The following TBXAS1 variants were observed in gnomAD, a reference collection of about 807,000 sequenced individuals.
The protein encoded by TBXAS1 is thromboxane A synthase 1.
TBXAS1 carries 48 observed loss-of-function variants against 60.7 expected under a neutral mutation model. The ratio of observed to expected loss-of-function variants is 0.79; its 90% CI spans 0.63 to 1.01. The LOEUF is 1.01. Ranked by LOEUF, TBXAS1 falls within the 50% of genes least tolerant of loss-of-function variation. The pLI, the probability that TBXAS1 is intolerant of heterozygous loss-of-function variation, is 0.00. For missense variants in TBXAS1, 685 were observed against 686.3 expected (o/e 1.00, Z 0.02); for synonymous variants, 287 against 269.7 (o/e 1.06, Z -0.63).
At chr7:139,811,722 G>A (rs1331019455) in intron 4 of TBXAS1, among the ~76,000 whole-genome samples, 5 of 152,140 alleles carry the variant, frequency 3.3e-5, no homozygotes, top group African/African-American at 4.8e-5. Flanking sequence ...CTTTGGTGAG[G>A]GATATTTTCT....
intron 4 of TBXAS1, among the ~76,000 whole-genome samples, chr7:139,818,309 T>C (rs1367705296): frequency 6.6e-6 from 1 of 152,148 alleles, no homozygotes; most frequent in African/African-American, 2.4e-5. Flanking sequence ...TGGGTGCAGG[T>C]ACAAGTCAGA....
chr7:139,951,084 T>G (rs1339851868), intron 5 of TBXAS1, among the ~76,000 whole-genome samples: 1 of 152,144 alleles, frequency 6.6e-6, no homozygotes, highest in Non-Finnish European at 1.5e-5. Context: ...CAACTGAATA[T>G]TCCAGAGAAG....
chr7:139,925,617 T>C (rs1272875389), intron 4 of TBXAS1, among the ~76,000 whole-genome samples: 1 of 152,226 alleles, frequency 6.6e-6, no homozygotes, highest in Non-Finnish European at 1.5e-5. Flanking sequence ...TCTTCCTTTC[T>C]AATTTGGATA....
chr7:139,894,840 G>A (rs2267690), intron 3 of TBXAS1, among the ~76,000 whole-genome samples: 1,808 of 152,266 alleles, frequency 0.012, 32 homozygotes, highest in East Asian at 0.084. Flanking sequence ...TCTTTGCTAC[G>A]TGTACAGCAT....
chr7:140,016,192 G>A (rs1337338408), intron 11 of TBXAS1, among the ~76,000 whole-genome samples: 5 of 152,088 alleles, frequency 3.3e-5, no homozygotes, highest in Admixed American at 1.3e-4. Context: ...GCTGGGCGTG[G>A]TGGCGGGCGC....
chr7:139,814,550 T>C lies in TBXAS1; in HGVS notation c.-79-14762T>C, dbSNP rs372639625. Among the ~76,000 whole-genome samples the C allele has an allele frequency of 7.2e-4, 110 of 152,284 alleles. 3 individuals are homozygous for C. The South Asian group carries it at 0.02, about 27-fold the overall frequency. ...GAAAGAACAGATGTGGAAGGCCTCATACAAGGTGGGAAAATATAGTTCTCT... is the reference window on the plus strand; with the variant it reads ...GAAAGAACAGATGTGGAAGGCCTCACACAAGGTGGGAAAATATAGTTCTCT... On this transcript the variant is annotated intron_variant, in intron 4 of 16. Transcript: ENST00000336425.
At chr7:139,789,329 C>T (rs1431542103) in intron 4 of TBXAS1, 3 of 151,866 alleles carry the variant, frequency 2.0e-5, no homozygotes. Context: ...ACTGCAGCCT[C>T]AACCTCCCAG....
Position 140,007,173 on chromosome 7 carries a change from C to T in TBXAS1, c.1217C>T (p.Pro406Leu). 6.2e-7 allele frequency: 1 copy of T among 1,614,146 alleles called. No homozygotes were observed. Among genetic ancestry groups the T allele is most frequent in the South Asian group, 1.1e-5 (1 of 91,076 alleles). ...GCAGAGACGCTGAGGATGTACCCGC[C>T]AGCTTTCAGGTGTGTGGTAGCCCCC... The part of the protein sequence containing the change: ...VIAETLRMYP[P>L]AFRFTREAAQ... Residue 406 changes from proline (P) to leucine (L), a missense_variant, in exon 10 of 13, where the codon CCA (proline) becomes CTA (leucine). By Grantham distance (98) the Pro-to-Leu change is moderately conservative. Transcript: ENST00000448866.
chr7:139,957,505 G>A (rs1192646987), intron 7 of TBXAS1, 129 bp from the exon 8 acceptor site: 12 of 1,177,200 alleles, frequency 1.0e-5, no homozygotes, highest in South Asian at 5.0e-5. Context: ...GCAGCAGTGC[G>A]GCGGGGAGGG....
chr7:139,927,879 A>G (rs1807017102), intron 4 of TBXAS1, among the ~76,000 whole-genome samples: 1 of 152,194 alleles, frequency 6.6e-6, no homozygotes, highest in African/African-American at 2.4e-5. Flanking sequence ...TTTAAGCTCA[A>G]TATTGAATCT....
At chr7:139,809,760 G>A (rs919462656) in intron 4 of TBXAS1, among the ~76,000 whole-genome samples, 20 of 152,150 alleles carry the variant, frequency 1.3e-4, no homozygotes, top group African/African-American at 4.8e-4. Flanking sequence ...CTGCCTTTTT[G>A]TTCTATCCAG....
At chr7:139,969,186 T>C (rs1811011619) in intron 9 of TBXAS1, among the ~76,000 whole-genome samples, 1 of 152,254 alleles carries the variant, frequency 6.6e-6, no homozygotes, top group South Asian at 2.1e-4. Context: ...ATTGGATTGA[T>C]ATACAGCCTC....
At chr7:139,963,631 T>A (rs540306163) in intron 9 of TBXAS1, among the ~76,000 whole-genome samples, 49 of 152,324 alleles carry the variant, frequency 3.2e-4, no homozygotes, top group Non-Finnish European at 4.6e-4. Context: ...CAACGGTGAC[T>A]GGGGTGCATT....
At chr7:139,945,542 A>G (rs1436281034) in intron 5 of TBXAS1, among the ~76,000 whole-genome samples, 2 of 152,200 alleles carry the variant, frequency 1.3e-5, no homozygotes, top group Admixed American at 1.3e-4. Flanking sequence ...TCACACAGGT[A>G]TTTCTAGAAA....
upstream of TBXAS1, among the ~76,000 whole-genome samples, chr7:139,827,742 C>T (rs962915283): frequency 6.6e-6 from 1 of 152,142 alleles, no homozygotes; most frequent in African/African-American, 2.4e-5. Flanking sequence ...ATATATGGTG[C>T]TTAGTTTCAC....
intron 4 of TBXAS1, among the ~76,000 whole-genome samples, chr7:139,807,308 G>T (rs1797902473): frequency 6.6e-6 from 1 of 152,094 alleles, no homozygotes; most frequent in Non-Finnish European, 1.5e-5. Context: ...CTGGGCTCAA[G>T]TGATCCTCCA....
At chr7:139,948,654 C>T (rs1173965845) in intron 5 of TBXAS1, among the ~76,000 whole-genome samples, 1 of 152,146 alleles carries the variant, frequency 6.6e-6, no homozygotes, top group Non-Finnish European at 1.5e-5. Flanking sequence ...CAACCGAATG[C>T]ATCTTTTAGT....
intron 9 of TBXAS1, among the ~76,000 whole-genome samples, chr7:139,987,086 G>A (rs890890734): frequency 3.3e-5 from 5 of 152,050 alleles, no homozygotes; most frequent in African/African-American, 1.2e-4. Flanking sequence ...CTCTGCCTGG[G>A]TCTCTGTCAC....
chr7:139,933,894 TG>T (rs1454272801), intron 4 of TBXAS1, among the ~76,000 whole-genome samples: 12 of 150,258 alleles, frequency 8.0e-5, no homozygotes, highest in Non-Finnish European at 1.2e-4. Flanking sequence ...TGACCAATGG[TG>T]GGGGCTCCAG....
Sources: allele counts gnomAD v4.1 joint callset (sites outside exome capture counted in the v4.1 genomes callset), GRCh38; gene constraint gnomAD v4.1.1; transcripts MANE v1.5; gene names NCBI Gene and HGNC (gene_info 2026-07-23, HGNC 2026-07-21).